Variants in TBCD observed in about 807,000 individuals in gnomAD.
The protein encoded by TBCD is tubulin-specific chaperone D.
A neutral mutation model predicts 169.3 loss-of-function variants in TBCD; 105 were observed. The ratio of observed to expected loss-of-function variants is 0.62; its 90% CI spans 0.53 to 0.73. The LOEUF (loss-of-function observed/expected upper bound fraction) is 0.73, where lower values mean the gene tolerates loss of function less well. Among genes scored for constraint, TBCD ranks in the 30% least tolerant of loss-of-function variants. The probability of loss-of-function intolerance (pLI) is 0.00; values close to 1 mark genes in which losing one functional copy is unlikely to be tolerated. For synonymous variants in TBCD, 700 were observed against 643.9 expected (o/e 1.09, Z -1.32); for missense variants, 1,444 against 1,600.1 (o/e 0.90, Z 1.66).
chr17:82,908,018 C>T (rs766845620), intron 21 of TBCD, among the ~76,000 whole-genome samples, 197 bp downstream of exon 21: 1 of 152,176 alleles, frequency 6.6e-6, no homozygotes, highest in Non-Finnish European at 1.5e-5. Flanking sequence ...GAACAGCCAC[C>T]TTGGAGGGTT....
At chr17:82,934,691 C>T (rs574336349) in intron 34 of TBCD, among the ~76,000 whole-genome samples, 12 of 151,566 alleles carry the variant, frequency 7.9e-5, no homozygotes, top group African/African-American at 2.9e-4. Context: ...AGGCTGGTCT[C>T]GAACTCCCGA....
At chr17:82,905,408 G>A (rs976774571) in intron 19 of TBCD, among the ~76,000 whole-genome samples, 7 of 152,266 alleles carry the variant, frequency 4.6e-5, no homozygotes, top group East Asian at 1.9e-4. Context: ...CACGGGTGCC[G>A]TCCTGGGCAC....
intron 5 of TBCD, among the ~76,000 whole-genome samples, chr17:82,769,938 TTAAC>T (rs1439466308): frequency 6.6e-6 from 1 of 152,104 alleles, no homozygotes; most frequent in Non-Finnish European, 1.5e-5. Context: ...CAGTGATTAA[TTAAC>T]TGTGATTAAT....
chr17:82,927,111 C>A, intron 28 of TBCD, 75 bp from the exon 29 acceptor site: 2 of 1,589,076 alleles, frequency 1.3e-6, no homozygotes, highest in Non-Finnish European at 1.7e-6. Flanking sequence ...ATCAGGAACA[C>A]ACATCAGCCC....
chr17:82,900,211 T>G (rs1006798293), intron 17 of TBCD, among the ~76,000 whole-genome samples: 1 of 152,218 alleles, frequency 6.6e-6, no homozygotes, highest in African/African-American at 2.4e-5. Flanking sequence ...TCCCCCACCC[T>G]GAGGCCCCTG....
At chr17:82,752,429 C>T in intron 1 of TBCD, 52 bp downstream of exon 1, 2 of 1,181,476 alleles carry the variant, frequency 1.7e-6, no homozygotes, top group South Asian at 4.1e-5. Flanking sequence ...GGGTTCGGCG[C>T]GCTGAGTGCA....
intron 17 of TBCD, among the ~76,000 whole-genome samples, chr17:82,898,599 G>C (rs1391547472): frequency 6.6e-6 from 1 of 151,110 alleles, no homozygotes; most frequent in Non-Finnish European, 1.5e-5. Flanking sequence ...TTTATTTTAG[G>C]GAAGCCTCCT....
chr17:82,842,528 CTT>C (rs2054607185), intron 13 of TBCD, among the ~76,000 whole-genome samples: 1 of 152,224 alleles, frequency 6.6e-6, no homozygotes, highest in Non-Finnish European at 1.5e-5. Flanking sequence ...CTGCCTCTCT[CTT>C]GCACTGGAAG....
intron 14 of TBCD, among the ~76,000 whole-genome samples, chr17:82,872,678 TCA>T (rs2057667189): frequency 1.3e-5 from 2 of 152,248 alleles, no homozygotes; most frequent in African/African-American, 2.4e-5. Context: ...ATAGGAATAG[TCA>T]CAGAACGAGA....
At chr17:82,797,285 G>A (rs1041973438) in intron 7 of TBCD, among the ~76,000 whole-genome samples, 15 of 152,320 alleles carry the variant, frequency 9.8e-5, no homozygotes, top group East Asian at 3.9e-4. Flanking sequence ...TGTGAGACAC[G>A]GGCTGAGCTG....
At chr17:82,902,943 C>T (rs1240040322) in intron 18 of TBCD, among the ~76,000 whole-genome samples, 1 of 152,132 alleles carries the variant, frequency 6.6e-6, no homozygotes, top group Admixed American at 6.5e-5. Flanking sequence ...CAGCCTTTCG[C>T]GGTCCGCATG....
At position 82,942,379 on chromosome 17, in the gene TBCD, G is replaced by T; in HGVS notation, c.3565-70G>T. The T allele has an allele frequency of 8.7e-6, 14 of 1,610,016 alleles. No homozygotes were observed. In the South Asian group the frequency reaches 1.5e-4, roughly 18 times the overall value. ...GTCCCCACACAGGGCCCAGAGGGGT[G>T]AGGGTCCCCTGGCTGGGAATGGTGT... On this transcript the variant is annotated intron_variant, in intron 38 of 38. Transcript: ENST00000355528.
rs141082005 is a variant in TBCD at position 82,900,531 on chromosome 17, G to A, written c.1650-120G>A. 8.3e-4 allele frequency: 619 copies of A among 747,374 alleles called. 6 individuals are homozygous for A. In the East Asian group the frequency reaches 0.015, roughly 18 times the overall value. 46.3% of individuals were successfully genotyped at this position (747,374 alleles called of 1,614,324 possible). A position where few individuals can be genotyped will look rare whatever the true frequency, so the allele number is the denominator to read the frequency against. ...GCTCAGGAGGGAATGGCTGGATCACGTGGTAGATTTGAAGAAATGGGCAAA... is the reference window on the plus strand; with the variant it reads ...GCTCAGGAGGGAATGGCTGGATCACATGGTAGATTTGAAGAAATGGGCAAA... On this transcript the variant is annotated intron_variant, in intron 17 of 38. Transcript: ENST00000355528.
chr17:82,865,262 G>A (rs902056537), intron 13 of TBCD, among the ~76,000 whole-genome samples: 2 of 151,046 alleles, frequency 1.3e-5, no homozygotes, highest in African/African-American at 2.4e-5. Flanking sequence ...ACGGCCACAC[G>A]GATGGCTGTG....
intron 14 of TBCD, among the ~76,000 whole-genome samples, chr17:82,876,185 A>G (rs1470538546): frequency 6.6e-6 from 1 of 152,208 alleles, no homozygotes; most frequent in Non-Finnish European, 1.5e-5. Flanking sequence ...AGCTTGGGAC[A>G]AGTCGAGGCG....
At chr17:82,905,909 C>G (rs897797020) in intron 19 of TBCD, 27 bp from the exon 20 acceptor site, 5 of 1,576,922 alleles carry the variant, frequency 3.2e-6, no homozygotes, top group East Asian at 2.3e-5. Flanking sequence ...ACACCCTCAC[C>G]TGCCCTCTCG....
intron 13 of TBCD, among the ~76,000 whole-genome samples, chr17:82,861,287 C>T (rs951835016): frequency 3.3e-5 from 5 of 152,274 alleles, no homozygotes; most frequent in African/African-American, 7.2e-5. Context: ...CGCAGGTCCC[C>T]GTGAGTCTGG....
At position 82,768,431 on chromosome 17, in the gene TBCD, C is replaced by A. The variant is rs773291113; in HGVS notation, c.447C>A (p.Thr149=). The A allele has an allele frequency of 6.2e-7, 1 of 1,613,904 alleles. No homozygotes were observed. The highest frequency in any genetic ancestry group is 1.1e-5 in the South Asian group (1 of 91,068). ...GTTTAATTTTTTAGGCTTGGGAAACCCGCTACATGCTTTTGCTCTGGCTCT... is the reference window on the plus strand; with the variant it reads ...GTTTAATTTTTTAGGCTTGGGAAACACGCTACATGCTTTTGCTCTGGCTCT... ...QNPKDHEAWE[T]RYMLLLWLSV... The change falls in exon 5 of 39, where the codon ACC becomes ACA. Residue 149 remains threonine, a synonymous_variant. Coordinates refer to ENST00000355528, the MANE Select transcript of TBCD (RefSeq NM_005993.5).
intron 14 of TBCD, among the ~76,000 whole-genome samples, chr17:82,876,215 G>A (rs2057960699): frequency 6.6e-6 from 1 of 152,176 alleles, no homozygotes; most frequent in Admixed American, 6.5e-5. Context: ...CCTTGACTCG[G>A]ACAGGAAAGA....
Sources: allele counts gnomAD v4.1 joint callset (sites outside exome capture counted in the v4.1 genomes callset), GRCh38; gene constraint gnomAD v4.1.1; transcripts MANE v1.5; gene names NCBI Gene and HGNC (gene_info 2026-07-23, HGNC 2026-07-21).